NRSN1: variants seen among roughly 807,000 people sequenced by gnomAD.
NRSN1 encodes neurensin 1.
A neutral mutation model predicts 17.3 loss-of-function variants in NRSN1; 14 were observed. That is an observed-to-expected ratio of 0.81 (90% CI 0.54 to 1.27). The LOEUF (loss-of-function observed/expected upper bound fraction) is 1.27. Among genes scored for constraint, NRSN1 ranks in the 50% most tolerant of loss-of-function variants. The pLI is 0.00. For synonymous variants in NRSN1, 79 were observed against 94.2 expected (o/e 0.84, Z 0.93); for missense variants, 209 against 235.9 (o/e 0.89, Z 0.75).
intron 3 of NRSN1, among the ~76,000 whole-genome samples, chr6:24,139,367 A>G (rs1044700567): frequency 2.6e-5 from 4 of 152,236 alleles, no homozygotes; most frequent in Non-Finnish European, 4.4e-5. Flanking sequence ...GATCCAGGCA[A>G]GATATAATAA....
intron 2 of NRSN1, chr6:24,129,754 A>G (rs1760000638): frequency 6.6e-6 from 1 of 152,022 alleles, no homozygotes; most frequent in South Asian, 2.1e-4. Context: ...AGTGCATGCA[A>G]TTGAGACAGT....
intron 3 of NRSN1, among the ~76,000 whole-genome samples, chr6:24,137,731 T>C (rs1760139611): frequency 6.6e-6 from 1 of 151,946 alleles, no homozygotes; most frequent in Admixed American, 6.6e-5. Flanking sequence ...CCCTTCCTGG[T>C]ACACAGATTG....
chr6:24,133,929 C>T (rs113757495), intron 2 of NRSN1, among the ~76,000 whole-genome samples: 2,972 of 152,130 alleles, frequency 0.02, 89 homozygotes, highest in African/African-American at 0.068. Flanking sequence ...CCCCACCTCC[C>T]GGGTTCACGC....
chr6:24,135,390 C>T (rs1017375004), intron 3 of NRSN1, among the ~76,000 whole-genome samples: 1 of 152,126 alleles, frequency 6.6e-6, no homozygotes, highest in Non-Finnish European at 1.5e-5. Flanking sequence ...GAAATGGGAA[C>T]AAGTTTGGTG....
At chr6:24,134,279 A>G in intron 2 of NRSN1, 40 bp from the exon 3 acceptor site, 1 of 1,552,950 alleles carries the variant, frequency 6.4e-7, no homozygotes, top group Non-Finnish European at 8.8e-7. Context: ...CCTGTGGCCA[A>G]AGCCTGTGGC....
rs1292452006 is a variant in NRSN1, at chr6:24,146,147, C to A, written c.*201C>A. On this transcript the variant is annotated 3_prime_UTR_variant, in exon 4 of 4. Transcript: ENST00000378491. ...TGCCATGCCTAAGCCTGTGCACATGCATCCAGCTGCTTAAGATGGGTGCTT... is the reference window on the plus strand; with the variant it reads ...TGCCATGCCTAAGCCTGTGCACATGAATCCAGCTGCTTAAGATGGGTGCTT... 7.0e-6 allele frequency: 5 copies of A among 716,796 alleles called. No homozygotes were observed. The allele number at this position is 716,796 out of a possible 1,614,324, so 44.4% of individuals were successfully genotyped here.
chr6:24,146,033 G>A lies in NRSN1; in HGVS notation c.*87G>A, dbSNP rs1388395442. The A allele has an allele frequency of 1.0e-4, 134 of 1,334,574 alleles. 1 individual carries two copies. Among genetic ancestry groups the A allele is most frequent in the Non-Finnish European group, 1.1e-4 (108 of 942,724 alleles). 82.7% of individuals were successfully genotyped at this position (1,334,574 alleles called of 1,614,324 possible). A position where few individuals can be genotyped will look rare whatever the true frequency, so the allele number is the denominator to read the frequency against. ...GTTTTCGAGATAAAGAAGATTTGGC[G>A]TTGACTGCCCTAGGGCTGTGTTCAG... is the stretch of plus-strand genomic sequence containing the variant. On this transcript the variant is annotated 3_prime_UTR_variant, in exon 4 of 4. Transcript: ENST00000378491.
intron 2 of NRSN1, among the ~76,000 whole-genome samples, chr6:24,132,086 G>C (rs1760042199): frequency 6.6e-6 from 1 of 152,170 alleles, no homozygotes; most frequent in Non-Finnish European, 1.5e-5. Flanking sequence ...TTGACCAACA[G>C]CTAAAAAGAT....
In NRSN1 at chr6:24,145,214, A is replaced by C; in HGVS notation, c.190-334A>C. ...GCTATATATAATATATCTTTAGATA[A>C]TATAAAGATTATATATATCTTTAGA... is the stretch of plus-strand genomic sequence containing the variant. On this transcript the variant is annotated intron_variant, in intron 3 of 3. Transcript: ENST00000378491. The surrounding 1 kb of genome is among the most constrained non-coding windows in gnomAD (Gnocchi z 4.4). Among the ~76,000 whole-genome samples, 1 of 146,210 alleles carries C rather than the reference A, an allele frequency of 6.8e-6. No individual in the cohort carries two copies. The highest frequency in any genetic ancestry group is 1.5e-5 in the Non-Finnish European group (1 of 66,712).
Position 24,147,353 on chromosome 6 carries a change from C to CA in NRSN1, c.*1407_*1408insA, listed in dbSNP as rs1561869281. The CA allele has an allele frequency of 6.6e-6, 1 of 150,884 alleles. No individual in the cohort carries two copies. The highest frequency in any genetic ancestry group is 2.4e-5 in the African/African-American group (1 of 41,290). The allele number at this position is 150,884 out of a possible 1,614,324, so 9.3% of individuals were successfully genotyped here. ...AAATTGTGCCACCTTAGAGCCCCCC[C>CA]CCTTTTTTTTTTCTTCCTTCACTGG... On this transcript the variant is annotated 3_prime_UTR_variant, in exon 4 of 4. Coordinates refer to ENST00000378491, the MANE Select transcript of NRSN1 (RefSeq NM_080723.5).
Position 24,145,520 on chromosome 6 carries a change from T to C in NRSN1, c.190-28T>C. ...GAGCCGAAGCACCTTCCTCACTCTATCTTGCTTCTGTCATTATCTACCTGT... is the reference window on the plus strand; with the variant it reads ...GAGCCGAAGCACCTTCCTCACTCTACCTTGCTTCTGTCATTATCTACCTGT... On this transcript the variant is annotated intron_variant, in intron 3 of 3. Coordinates refer to ENST00000378491, the MANE Select transcript of NRSN1 (RefSeq NM_080723.5). This position sits in a 1 kb window ranked among gnomAD's most constrained non-coding sequence, Gnocchi z 4.4. 1.3e-6 allele frequency: 2 copies of C among 1,543,744 alleles called. No individual in the cohort carries two copies. Among genetic ancestry groups the C allele is most frequent in the Non-Finnish European group, 1.8e-6 (2 of 1,140,840 alleles).
chr6:24,138,179 C>A (rs1760145244), intron 3 of NRSN1, among the ~76,000 whole-genome samples: 1 of 152,148 alleles, frequency 6.6e-6, no homozygotes, highest in Admixed American at 6.5e-5. Context: ...AACACACACA[C>A]ACGCACAAAC....
chr6:24,141,084 G>A, intron 3 of NRSN1: 2 of 1,411,798 alleles, frequency 1.4e-6, no homozygotes, highest in Non-Finnish European at 1.9e-6. Context: ...GCCCCAGGTT[G>A]CTCTGCTGAG....
In NRSN1 at chr6:24,147,108, T is replaced by C. The variant is rs920870143; in HGVS notation, c.*1162T>C. 6.6e-6 allele frequency: 1 copy of C among 152,120 alleles called. No homozygotes were observed. The highest frequency in any genetic ancestry group is 1.5e-5 in the Non-Finnish European group (1 of 68,020). The allele number at this position is 152,120 out of a possible 1,614,324, so 9.4% of individuals were successfully genotyped here. A position where few individuals can be genotyped will look rare whatever the true frequency, so the allele number is the denominator to read the frequency against. ...CCTTCACACCATCTACCCTTAAATATCCAACCCCAGCAATTTATACAACGC... is the reference window on the plus strand; with the variant it reads ...CCTTCACACCATCTACCCTTAAATACCCAACCCCAGCAATTTATACAACGC... On this transcript the variant is annotated 3_prime_UTR_variant, in exon 4 of 4. Coordinates refer to ENST00000378491, the MANE Select transcript of NRSN1 (RefSeq NM_080723.5).
intron 3 of NRSN1, among the ~76,000 whole-genome samples, chr6:24,136,924 T>C (rs1369884805): frequency 6.6e-6 from 1 of 152,232 alleles, no homozygotes; most frequent in East Asian, 1.9e-4. Context: ...ATAAACCAAC[T>C]GTTCCTGGGT....
rs117698516 is a variant in NRSN1, at chr6:24,146,949, C to T, written c.*1003C>T. ...CACAATATGTCTGGGCTCTCATTAC[C>T]CAAACATCTGAGATTCCATTTTTGC... On this transcript the variant is annotated 3_prime_UTR_variant, in exon 4 of 4. Transcript: ENST00000378491. 6.6e-6 allele frequency: 1 copy of T among 152,132 alleles called. No individual in the cohort carries two copies. Among genetic ancestry groups the T allele is most frequent in the East Asian group, 1.9e-4 (1 of 5,180 alleles). 9.4% of individuals were successfully genotyped at this position (152,132 alleles called of 1,614,324 possible).
Position 24,142,213 on chromosome 6 carries a change from T to TTTTTTTTTTTTTTTTTC in NRSN1, c.190-3334_190-3333insTTTTTTTTTTTTTTTCT, listed in dbSNP as rs957826257. Among the ~76,000 whole-genome samples the TTTTTTTTTTTTTTTTTC allele has an allele frequency of 7.5e-5, 10 of 132,628 alleles. 1 individual carries two copies. Among genetic ancestry groups the TTTTTTTTTTTTTTTTTC allele is most frequent in the South Asian group, 2.5e-4 (1 of 3,928 alleles). 87.0% of individuals were successfully genotyped at this position (132,628 alleles called of 152,430 possible). A position where few individuals can be genotyped will look rare whatever the true frequency, so the allele number is the denominator to read the frequency against. On this transcript the variant is annotated intron_variant, in intron 3 of 3. Coordinates refer to ENST00000378491, the MANE Select transcript of NRSN1 (RefSeq NM_080723.5). ...CAGCTTTTTTTTTTTTTTTTTTTTT[T>TTTTTTTTTTTTTTTTTC]TCAGAAGACATCCTATTGACTCTTT...
Position 24,146,291 on chromosome 6 carries a change from T to C in NRSN1, c.*345T>C. ...TTTAGACCAGCTCACCAATGGCTAATGTGGTCCATTTTATTTTCTAATATT... is the reference window on the plus strand; with the variant it reads ...TTTAGACCAGCTCACCAATGGCTAACGTGGTCCATTTTATTTTCTAATATT... On this transcript the variant is annotated 3_prime_UTR_variant, in exon 4 of 4. Coordinates refer to ENST00000378491, the MANE Select transcript of NRSN1 (RefSeq NM_080723.5). The C allele has an allele frequency of 1.8e-6, 1 of 541,558 alleles. No individual in the cohort carries two copies. The highest frequency in any genetic ancestry group is 3.7e-6 in the Non-Finnish European group (1 of 273,626). 33.5% of individuals were successfully genotyped at this position (541,558 alleles called of 1,614,324 possible).
In NRSN1 at chr6:24,146,131, T is replaced by G. The variant is rs1581554676; in HGVS notation, c.*185T>G. 31 of 732,784 alleles carry G rather than the reference T, an allele frequency of 4.2e-5. No individual in the cohort carries two copies. Among genetic ancestry groups the G allele is most frequent in the South Asian group, 2.2e-4 (15 of 67,420 alleles). 45.4% of individuals were successfully genotyped at this position (732,784 alleles called of 1,614,324 possible). A position where few individuals can be genotyped will look rare whatever the true frequency, so the allele number is the denominator to read the frequency against. On this transcript the variant is annotated 3_prime_UTR_variant, in exon 4 of 4. Coordinates refer to ENST00000378491, the MANE Select transcript of NRSN1 (RefSeq NM_080723.5). ...CTCTGCTGGAGGGCGGTGCCATGCC[T>G]AAGCCTGTGCACATGCATCCAGCTG...
Sources: allele counts gnomAD v4.1 joint callset (sites outside exome capture counted in the v4.1 genomes callset), GRCh38; gene constraint gnomAD v4.1.1; non-coding constraint Gnocchi (gnomAD v3.1); transcripts MANE v1.5; gene names NCBI Gene and HGNC (gene_info 2026-07-23, HGNC 2026-07-21).